NAF1: variants seen among roughly 807,000 people sequenced by gnomAD.
NAF1 encodes the protein H/ACA ribonucleoprotein complex non-core subunit NAF1.
In NAF1, 11 loss-of-function variants were observed where a neutral mutation model predicts 40.6. The observed-to-expected ratio is 0.27, with a 90% CI of 0.17 to 0.45. The LOEUF (loss-of-function observed/expected upper bound fraction) is 0.45. Among genes scored for constraint, NAF1 ranks in the 20% least tolerant of loss-of-function variants. NAF1 has a pLI of 1.00. For missense variants in NAF1, 607 were observed against 611.1 expected, an observed-to-expected ratio of 0.99 and a Z score of 0.07; for synonymous variants, 260 against 228.5, an observed-to-expected ratio of 1.14 and a Z score of -1.24.
intron 4 of NAF1, chr4:163,144,129 A>G: frequency 6.8e-6 from 3 of 444,202 alleles, no homozygotes; most frequent in Non-Finnish European, 8.9e-6. Context: ...CTGATATATG[A>G]GAAGGAAACA....
At chr4:163,160,601 G>A (rs2111047719) in intron 2 of NAF1, among the ~76,000 whole-genome samples, 1 of 152,224 alleles carries the variant, frequency 6.6e-6, no homozygotes, top group East Asian at 1.9e-4. Flanking sequence ...TTGAAGCACA[G>A]ACTAAATGGA....
rs547219550 is a variant in NAF1, at chr4:163,148,532, T to C, written c.541-98A>G. 1.4e-5 allele frequency: 11 copies of C among 770,956 alleles called. No homozygotes were observed. The South Asian group carries it at 1.6e-4, about 11-fold the overall frequency. 47.8% of individuals were successfully genotyped at this position (770,956 alleles called of 1,614,324 possible). On this transcript the variant is annotated intron_variant, in intron 2 of 7. Coordinates refer to ENST00000274054, the MANE Select transcript of NAF1 (RefSeq NM_138386.3). ...TTTAAGTGCTACACATCTCTGAAAATGCTTTAAGTGCTTAGAGCATCTCTT... is the reference window on the plus strand; with the variant it reads ...TTTAAGTGCTACACATCTCTGAAAACGCTTTAAGTGCTTAGAGCATCTCTT...
chr4:163,121,077 G>A (rs746769328), intron 2 of NAF1, among the ~76,000 whole-genome samples: 2 of 152,072 alleles, frequency 1.3e-5, no homozygotes, highest in South Asian at 4.1e-4. Flanking sequence ...TTTTAGTAGA[G>A]ATGGGATTTC....
chr4:163,142,353 AATC>A (rs1560793624), intron 4 of NAF1, among the ~76,000 whole-genome samples: 1 of 152,216 alleles, frequency 6.6e-6, no homozygotes, highest in African/African-American at 2.4e-5. Flanking sequence ...AAGGTAAAAT[AATC>A]ATCGTTTGCA....
chr4:163,116,827 C>G (rs1294821516), intron 2 of NAF1, among the ~76,000 whole-genome samples: 1 of 152,136 alleles, frequency 6.6e-6, no homozygotes, highest in South Asian at 2.1e-4. Context: ...TCAGGGACGA[C>G]CACCCTACCT....
chr4:163,123,817 T>C (rs998233626), downstream of NAF1, among the ~76,000 whole-genome samples: 1 of 152,226 alleles, frequency 6.6e-6, no homozygotes, highest in Non-Finnish European at 1.5e-5. Context: ...CCTTATTATA[T>C]AGTAAAAGGC....
At position 163,148,437 on chromosome 4, in the gene NAF1, ATAATT is replaced by A; in HGVS notation, c.541-8_541-4del. 1 of 1,556,438 alleles carries A rather than the reference ATAATT, an allele frequency of 6.4e-7. No individual in the cohort carries two copies. The highest frequency in any genetic ancestry group is 8.7e-7 in the Non-Finnish European group (1 of 1,155,618). ...AGTTCTTCAACAGAAGGCAGTTCCT[ATAATT>A]TAAAACAAAACAAAACATTAAACTT... is the stretch of plus-strand genomic sequence containing the variant. On this transcript the variant is annotated splice_polypyrimidine_tract_variant and splice_region_variant and intron_variant, in intron 2 of 7. Coordinates refer to ENST00000274054, the MANE Select transcript of NAF1 (RefSeq NM_138386.3).
chr4:163,137,107 T>C lies in NAF1; in HGVS notation c.930+92A>G. On this transcript the variant is annotated intron_variant, in intron 6 of 7. Transcript: ENST00000274054. ...AGGCAGTATGGCTGCTAGCCAGTAT[T>C]AATGACTTCCCTAACAGCAAGAATG... The C allele has an allele frequency of 2.1e-6, 3 of 1,430,896 alleles. No individual in the cohort carries two copies. In the South Asian group the frequency reaches 3.7e-5, roughly 17 times the overall value. The allele number at this position is 1,430,896 out of a possible 1,614,324, so 88.6% of individuals were successfully genotyped here.
At chr4:163,121,305 A>T (rs1221577564) in intron 2 of NAF1, among the ~76,000 whole-genome samples, 1 of 152,318 alleles carries the variant, frequency 6.6e-6, no homozygotes, top group East Asian at 1.9e-4. Context: ...ACAGGATATT[A>T]TCCATATCCT....
chr4:163,128,196 G>A (rs2110865799), downstream of NAF1, among the ~76,000 whole-genome samples: 1 of 152,224 alleles, frequency 6.6e-6, no homozygotes, highest in South Asian at 2.1e-4. Context: ...AACAAATATG[G>A]AAGACAAAAT....
intron 7 of NAF1, 94 bp downstream of exon 7, chr4:163,133,060 G>T: frequency 9.7e-7 from 1 of 1,033,410 alleles, no homozygotes; most frequent in Non-Finnish European, 1.4e-6. Flanking sequence ...GGTAAACAGA[G>T]AGAACCCAGA....
At chr4:163,153,149 G>A (rs1350733752) in intron 2 of NAF1, among the ~76,000 whole-genome samples, 1 of 152,214 alleles carries the variant, frequency 6.6e-6, no homozygotes, top group East Asian at 1.9e-4. Context: ...GGGTTCCTGT[G>A]CAGCCCGAGC....
intron 4 of NAF1, 91 bp downstream of exon 4, chr4:163,145,687 AAAAT>A: frequency 3.8e-6 from 3 of 792,760 alleles, no homozygotes; most frequent in Non-Finnish European, 6.1e-6. Flanking sequence ...TCCATCAATT[AAAAT>A]AAATAAACTC....
intron 6 of NAF1, 87 bp from the exon 7 acceptor site, chr4:163,133,343 A>G: frequency 1.1e-6 from 1 of 933,848 alleles, no homozygotes; most frequent in Non-Finnish European, 1.6e-6. Flanking sequence ...AAATAAGCCT[A>G]TTATGCATCA....
At chr4:163,143,225 A>G (rs1336348462) in intron 4 of NAF1, among the ~76,000 whole-genome samples, 3 of 152,150 alleles carry the variant, frequency 2.0e-5, no homozygotes, top group African/African-American at 7.2e-5. Context: ...TTTTTTACTC[A>G]AAGTCATTAT....
At chr4:163,132,498 A>G (rs1025413171) in intron 7 of NAF1, among the ~76,000 whole-genome samples, 1 of 152,240 alleles carries the variant, frequency 6.6e-6, no homozygotes, top group African/African-American at 2.4e-5. Context: ...CTTCACTTAT[A>G]TAACTTTCTG....
the NAF1 span, among the ~76,000 whole-genome samples, chr4:163,105,041 T>C: frequency 1.3e-5 from 2 of 152,242 alleles, no homozygotes; most frequent in South Asian, 4.1e-4. Context: ...TCTTGCAGTA[T>C]ATAAGAAGGG....
intron 3 of NAF1, 70 bp from the exon 4 acceptor site, chr4:163,145,934 C>T: frequency 1.2e-6 from 1 of 816,832 alleles, no homozygotes; most frequent in Non-Finnish European, 1.9e-6. Context: ...AAAATCTAAG[C>T]TTTAATTCCA....
chr4:163,140,876 T>C (rs1171531749), intron 4 of NAF1, among the ~76,000 whole-genome samples: 1 of 152,234 alleles, frequency 6.6e-6, no homozygotes, highest in Admixed American at 6.5e-5. Flanking sequence ...TTACAGACTT[T>C]TTCTAATTTA....
Sources: allele counts gnomAD v4.1 joint callset (sites outside exome capture counted in the v4.1 genomes callset), GRCh38; gene constraint gnomAD v4.1.1; transcripts MANE v1.5; gene names NCBI Gene and HGNC (gene_info 2026-07-23, HGNC 2026-07-21).